The following ASCC3 variants were observed in gnomAD, a reference collection of about 807,000 sequenced individuals.
ASCC3 encodes the protein ASC-1 complex subunit P200.
ASCC3 carries 158 observed loss-of-function variants against 256.3 expected under a neutral mutation model. That is an observed-to-expected ratio of 0.62 (90% confidence interval 0.54 to 0.70). The LOEUF is 0.70. ASCC3 is among the 30% of genes least tolerant of loss of function. ASCC3 has a pLI of 0.00. For synonymous variants in ASCC3, 948 were observed against 883.4 expected (o/e 1.07, Z -1.30); for missense variants, 2,259 against 2,626.0 (o/e 0.86, Z 3.05).
At chr6:100,656,188 G>T (rs1369635828) in intron 16 of ASCC3, among the ~76,000 whole-genome samples, 1 of 151,458 alleles carries the variant, frequency 6.6e-6, no homozygotes, top group African/African-American at 2.4e-5. Flanking sequence ...GCTGAAAAAT[G>T]TAAGTGTTAA....
chr6:100,678,840 T>C (rs753337463), intron 14 of ASCC3, among the ~76,000 whole-genome samples: 6 of 152,170 alleles, frequency 3.9e-5, no homozygotes, highest in Non-Finnish European at 8.8e-5. Flanking sequence ...ATAAAGAAAC[T>C]GGTATGTTTA....
intron 34 of ASCC3, among the ~76,000 whole-genome samples, chr6:100,592,260 A>G (rs1216213534): frequency 6.6e-6 from 1 of 151,884 alleles, no homozygotes; most frequent in Non-Finnish European, 1.5e-5. Flanking sequence ...TTCATGCAGA[A>G]AACATAAATG....
chr6:100,801,201 T>C (rs1257958851), intron 5 of ASCC3, among the ~76,000 whole-genome samples: 1 of 152,140 alleles, frequency 6.6e-6, no homozygotes, highest in Admixed American at 6.6e-5. Context: ...GATTACCTTC[T>C]GTGTTTGTTT....
intron 13 of ASCC3, among the ~76,000 whole-genome samples, chr6:100,681,110 CAT>C (rs1443751040): frequency 6.6e-6 from 1 of 152,104 alleles, no homozygotes; most frequent in African/African-American, 2.4e-5. Context: ...AAGTGTTCCA[CAT>C]ATGAGATGCT....
intron 37 of ASCC3, chr6:100,530,149 A>C (rs1774795766): frequency 1.7e-6 from 1 of 573,110 alleles, no homozygotes; most frequent in East Asian, 2.9e-5. Context: ...ACATTTCTCT[A>C]TGTGCATGTG....
chr6:100,647,402 C>T lies in ASCC3; in HGVS notation c.3302G>A (p.Arg1101His), dbSNP rs778530675. ...GAGCCTGTAGGTCATGGTAGGCCAA[C>T]GTTTCCTCAGAGCAATTTCAAAAAG... ...RALFEIALRK[R>H]WPTMTYRLLN... is the part of the protein sequence containing the mutation. Residue 1101 changes from arginine to histidine, a missense_variant, in exon 21 of 42, where the codon CGT (arginine) becomes CAT (histidine). Coordinates refer to ENST00000369162, the MANE Select transcript of ASCC3 (RefSeq NM_006828.4). 7.4e-5 allele frequency: 120 copies of T among 1,613,864 alleles called. No individual in the cohort carries two copies. Among genetic ancestry groups the T allele is most frequent in the Non-Finnish European group, 9.2e-5 (109 of 1,179,970 alleles).
At chr6:100,878,153 C>A (rs1032749756) in intron 1 of ASCC3, among the ~76,000 whole-genome samples, 4 of 152,202 alleles carry the variant, frequency 2.6e-5, no homozygotes, top group African/African-American at 7.2e-5. Flanking sequence ...CTGAATAGTT[C>A]TCAATCAAGT....
intron 34 of ASCC3, among the ~76,000 whole-genome samples, chr6:100,600,272 G>A (rs1772537520): frequency 6.6e-6 from 1 of 151,436 alleles, no homozygotes; most frequent in Admixed American, 6.6e-5. Context: ...ACCTGACTTC[G>A]TAAGATCTGG....
intron 3 of ASCC3, among the ~76,000 whole-genome samples, chr6:100,863,741 G>C (rs1773337051): frequency 6.6e-6 from 1 of 152,008 alleles, no homozygotes; most frequent in South Asian, 2.1e-4. Flanking sequence ...TCAGCCTCCA[G>C]AGTAGCTGGG....
intron 17 of ASCC3, among the ~76,000 whole-genome samples, chr6:100,654,937 G>T (rs1464983975): frequency 6.6e-6 from 1 of 151,886 alleles, no homozygotes; most frequent in African/African-American, 2.4e-5. Flanking sequence ...TAAAAACTAA[G>T]TCATAGTAAA....
At chr6:100,515,843 G>A (rs1057469652) in intron 39 of ASCC3, among the ~76,000 whole-genome samples, 4 of 152,090 alleles carry the variant, frequency 2.6e-5, no homozygotes, top group South Asian at 2.1e-4. Flanking sequence ...GAGGCTTTTC[G>A]CAGCCAGCTT....
chr6:100,769,608 C>A (rs1781827161), intron 8 of ASCC3, among the ~76,000 whole-genome samples: 1 of 151,286 alleles, frequency 6.6e-6, no homozygotes, highest in Non-Finnish European at 1.5e-5. Flanking sequence ...AAAACCAAAG[C>A]AGAATAAAGG....
At chr6:100,721,176 T>G (rs1451719501) in intron 11 of ASCC3, among the ~76,000 whole-genome samples, 1 of 151,670 alleles carries the variant, frequency 6.6e-6, no homozygotes, top group Non-Finnish European at 1.5e-5. Context: ...AAAGATGTAC[T>G]ATAACAGTAA....
At chr6:100,666,717 T>C (rs772047960) in intron 14 of ASCC3, among the ~76,000 whole-genome samples, 2 of 152,196 alleles carry the variant, frequency 1.3e-5, no homozygotes, top group African/African-American at 2.4e-5. Flanking sequence ...ACCTGTGTTA[T>C]AATACAGCTG....
At chr6:100,717,405 C>T (rs896094928) in intron 12 of ASCC3, among the ~76,000 whole-genome samples, 2 of 151,790 alleles carry the variant, frequency 1.3e-5, no homozygotes, top group Non-Finnish European at 2.9e-5. Flanking sequence ...ATTCCTTCTA[C>T]ACAAAAAATA....
chr6:100,592,068 A>T (rs1338650460), intron 34 of ASCC3, among the ~76,000 whole-genome samples: 1 of 151,872 alleles, frequency 6.6e-6, no homozygotes, highest in Admixed American at 6.6e-5. Context: ...CTTTTTAAAG[A>T]CAAATCTGTG....
At chr6:100,652,039 T>C (rs1470869817) in intron 18 of ASCC3, among the ~76,000 whole-genome samples, 1 of 152,006 alleles carries the variant, frequency 6.6e-6, no homozygotes, top group Non-Finnish European at 1.5e-5. Context: ...GATGTATATC[T>C]AGAAAATATG....
At chr6:100,561,956 T>C (rs1384955254) in intron 36 of ASCC3, among the ~76,000 whole-genome samples, 4 of 152,122 alleles carry the variant, frequency 2.6e-5, no homozygotes, top group Non-Finnish European at 5.9e-5. Flanking sequence ...TTTTCTGAGT[T>C]ACACACAAAA....
At chr6:100,708,729 G>C (rs1778724495) in intron 13 of ASCC3, among the ~76,000 whole-genome samples, 1 of 151,898 alleles carries the variant, frequency 6.6e-6, no homozygotes. Context: ...CATGTCAACA[G>C]GCAAAATACA....
Sources: gnomAD v4.1 joint callset for allele counts (sites outside exome capture counted in the v4.1 genomes callset) on GRCh38, gnomAD v4.1.1 for gene constraint, MANE v1.5 for transcripts, NCBI Gene and HGNC (gene_info 2026-07-23, HGNC 2026-07-21) for gene names.